Variants in MILR1 observed in about 807,000 individuals in gnomAD.
MILR1 encodes allergin-1.
Under a neutral mutation model 18.5 loss-of-function variants are expected in MILR1, and 31 were observed. That is an observed-to-expected ratio of 1.68 (90% CI 1.26 to 2.26). MILR1 has a LOEUF of 2.26. MILR1 is among the 30% of genes most tolerant of loss of function. The probability of loss-of-function intolerance (pLI) is 0.00; values close to 1 mark genes in which losing one functional copy is unlikely to be tolerated. For missense variants in MILR1, 257 were observed against 157.4 expected, an observed-to-expected ratio of 1.63 and a Z score of -3.38; for synonymous variants, 85 against 56.2, an observed-to-expected ratio of 1.51 and a Z score of -2.30.
At chr17:64,479,197 T>G in the MILR1 span, among the ~76,000 whole-genome samples, 3 of 151,214 alleles carry the variant, frequency 2.0e-5, no homozygotes, top group Admixed American at 2.0e-4. Context: ...TTTTTTTTTT[T>G]TTTTGAGAAG....
intron 3 of MILR1, among the ~76,000 whole-genome samples, chr17:64,454,954 T>C (rs979349294): frequency 1.3e-5 from 2 of 152,134 alleles, no homozygotes; most frequent in East Asian, 1.9e-4. Context: ...TGAGCTGTGA[T>C]TGCACCACTG....
the MILR1 span, chr17:64,492,684 G>C: frequency 1.9e-6 from 3 of 1,606,800 alleles, no homozygotes; most frequent in South Asian, 3.3e-5. Flanking sequence ...CACCACTGGA[G>C]TCGATGACGT....
intron 2 of MILR1, among the ~76,000 whole-genome samples, chr17:64,451,137 GT>G (rs36005647): frequency 0.31 from 46,255 of 148,288 alleles, 8,328 homozygotes; most frequent in Middle Eastern, 0.56. Flanking sequence ...TTTATTTAGG[GT>G]TTTTTTTTTT....
chr17:64,490,971 T>C, the MILR1 span: 1 of 1,611,372 alleles, frequency 6.2e-7, no homozygotes, highest in Non-Finnish European at 8.5e-7. Context: ...CATGGCAAAC[T>C]GGAAAAGAAA....
At chr17:64,466,859 A>G (rs768728213) in intron 8 of MILR1, among the ~76,000 whole-genome samples, 197 bp downstream of exon 8, 3 of 152,030 alleles carry the variant, frequency 2.0e-5, no homozygotes, top group Non-Finnish European at 4.4e-5. Context: ...AGGAAGAGGG[A>G]AAGATGTGGT....
chr17:64,461,432 A>G (rs2037429950), intron 5 of MILR1, among the ~76,000 whole-genome samples: 1 of 151,884 alleles, frequency 6.6e-6, no homozygotes, highest in African/African-American at 2.4e-5. Flanking sequence ...TATTTTTAGT[A>G]GAGACAGGGT....
intron 5 of MILR1, among the ~76,000 whole-genome samples, chr17:64,464,681 C>T (rs1432186881): frequency 6.6e-6 from 1 of 152,204 alleles, no homozygotes; most frequent in Non-Finnish European, 1.5e-5. Flanking sequence ...TGGCTCATGC[C>T]TGTAGTCCCA....
intron 5 of MILR1, among the ~76,000 whole-genome samples, chr17:64,462,444 C>A (rs1415512438): frequency 6.6e-6 from 1 of 152,174 alleles, no homozygotes; most frequent in African/African-American, 2.4e-5. Flanking sequence ...CAAGCGAGAG[C>A]TTTGCCTTGA....
the MILR1 span, chr17:64,478,108 G>C: frequency 3.8e-5 from 38 of 997,830 alleles, no homozygotes; most frequent in Middle Eastern, 2.7e-4. Flanking sequence ...AGGGCTTAAG[G>C]GTGGACCAAA....
the MILR1 span, chr17:64,485,551 G>GT: frequency 1.6e-6 from 1 of 629,434 alleles, no homozygotes; most frequent in Non-Finnish European, 2.8e-6. Context: ...GTTCTATTCT[G>GT]TGAGAACCTG....
downstream of MILR1, among the ~76,000 whole-genome samples, chr17:64,471,873 T>A (rs1347168844): frequency 6.6e-6 from 1 of 152,198 alleles, no homozygotes; most frequent in African/African-American, 2.4e-5. Flanking sequence ...GAACTTAGTA[T>A]AGGATAAATA....
intron 6 of MILR1, among the ~76,000 whole-genome samples, chr17:64,466,199 T>C (rs959954659): frequency 6.6e-6 from 1 of 152,170 alleles, no homozygotes; most frequent in African/African-American, 2.4e-5. Context: ...TAGAAGAGTA[T>C]GACAGAAACC....
At chr17:64,485,944 ACT>A in the MILR1 span, 8 of 1,465,342 alleles carry the variant, frequency 5.5e-6, no homozygotes, top group South Asian at 1.2e-5. Flanking sequence ...ACGGAGTCTC[ACT>A]CTGTCACCTG....
the MILR1 span, chr17:64,496,903 C>T: frequency 1.2e-6 from 2 of 1,613,004 alleles, no homozygotes; most frequent in South Asian, 2.2e-5. Context: ...CTACTCGACC[C>T]CCAAACCCAG....
the MILR1 span, among the ~76,000 whole-genome samples, chr17:64,494,308 C>A: frequency 7.2e-5 from 11 of 152,140 alleles, no homozygotes; most frequent in Admixed American, 6.5e-4. Flanking sequence ...TATCTTATTG[C>A]ATCATAACAT....
chr17:64,480,137 C>T, the MILR1 span: 1 of 247,356 alleles, frequency 4.0e-6, no homozygotes, highest in Non-Finnish European at 7.9e-6. Context: ...AGGCAATTAA[C>T]TAAATGCACA....
chr17:64,474,181 TCTC>T, the MILR1 span, among the ~76,000 whole-genome samples: 2 of 151,598 alleles, frequency 1.3e-5, no homozygotes, highest in African/African-American at 2.4e-5. Flanking sequence ...TCCAAGCAAT[TCTC>T]CTGCTTCAAA....
intron 5 of MILR1, among the ~76,000 whole-genome samples, chr17:64,462,125 T>C (rs2144056132): frequency 6.6e-6 from 1 of 152,352 alleles, no homozygotes; most frequent in South Asian, 2.1e-4. Context: ...GTATGACTGC[T>C]TGTGAAAGAT....
At chr17:64,496,282 A>G in the MILR1 span, 42 of 677,144 alleles carry the variant, frequency 6.2e-5, no homozygotes, top group Non-Finnish European at 3.7e-5. Flanking sequence ...CTACTTCAAA[A>G]AGATGAGAAC....
Sources: allele counts gnomAD v4.1 joint callset (sites outside exome capture counted in the v4.1 genomes callset), GRCh38; gene constraint gnomAD v4.1.1; transcripts MANE v1.5; gene names NCBI Gene and HGNC (gene_info 2026-07-23, HGNC 2026-07-21).